The following SSH2 variants were observed in gnomAD, a reference collection of about 807,000 sequenced individuals.
SSH2 encodes the protein protein phosphatase Slingshot homolog 2.
SSH2 carries 37 observed loss-of-function variants against 135.2 expected under a neutral mutation model. The observed-to-expected ratio is 0.27, with a 90% CI of 0.21 to 0.36. The LOEUF (loss-of-function observed/expected upper bound fraction) is 0.36. SSH2 is among the 10% of genes least tolerant of loss of function. The probability of loss-of-function intolerance (pLI) is 1.00; values close to 1 mark genes in which losing one functional copy is unlikely to be tolerated. For synonymous variants in SSH2, 628 were observed against 646.2 expected, an observed-to-expected ratio of 0.97 and a Z score of 0.43; for missense variants, 1,408 against 1,765.3, an observed-to-expected ratio of 0.80 and a Z score of 3.63.
In SSH2 at chr17:29,688,151, C is replaced by T. The variant is rs9910384; in HGVS notation, c.358-3467G>A. On this transcript the variant is annotated intron_variant, in intron 5 of 15. Coordinates refer to ENST00000540801, the MANE Select transcript of SSH2 (RefSeq NM_001282129.2). ...TCAGCCTCCCAAGTAAACGGGATTACGGGCACCTGCCACTGCGCCTGGCTC... is the reference window on the plus strand; with the variant it reads ...TCAGCCTCCCAAGTAAACGGGATTATGGGCACCTGCCACTGCGCCTGGCTC... Among the ~76,000 whole-genome samples, 751 of 151,964 alleles carry T rather than the reference C, an allele frequency of 4.9e-3. 4 individuals are homozygous for T. Among genetic ancestry groups the T allele is most frequent in the African/African-American group, 0.017 (724 of 41,446 alleles).
At chr17:29,861,968 C>T (rs2065773159) in intron 1 of SSH2, among the ~76,000 whole-genome samples, 1 of 152,138 alleles carries the variant, frequency 6.6e-6, no homozygotes, top group Non-Finnish European at 1.5e-5. Context: ...AAATACAACA[C>T]TATAGTTATA....
chr17:29,707,241 G>GT (rs202183864), intron 3 of SSH2, among the ~76,000 whole-genome samples: 5,118 of 151,972 alleles, frequency 0.034, 128 homozygotes, highest in African/African-American at 0.063. Flanking sequence ...TAAAGTATAT[G>GT]TAAGTACATT....
intron 3 of SSH2, chr17:29,776,286 C>T (rs1037726501): frequency 6.6e-6 from 1 of 152,118 alleles, no homozygotes; most frequent in Non-Finnish European, 1.5e-5. Flanking sequence ...TCAAGATCTT[C>T]CTTCAGGACG....
chr17:29,860,027 T>G (rs1206451926), intron 1 of SSH2, among the ~76,000 whole-genome samples: 2 of 152,092 alleles, frequency 1.3e-5, no homozygotes, highest in Non-Finnish European at 2.9e-5. Context: ...TTTGTATTTT[T>G]AGTAGAGATA....
intron 2 of SSH2, among the ~76,000 whole-genome samples, chr17:29,797,407 A>T (rs2042177210): frequency 1.3e-5 from 2 of 152,290 alleles, no homozygotes; most frequent in African/African-American, 4.8e-5. Context: ...GGGATTATAT[A>T]CTATGTACTA....
At chr17:29,664,300 G>A (rs1369119211) in intron 11 of SSH2, among the ~76,000 whole-genome samples, 1 of 151,712 alleles carries the variant, frequency 6.6e-6, no homozygotes, top group Non-Finnish European at 1.5e-5. Context: ...GTGAACCTGG[G>A]AGGTGGAGGT....
intron 7 of SSH2, 113 bp from the exon 8 acceptor site, chr17:29,676,998 C>A: frequency 1.2e-6 from 1 of 814,478 alleles, no homozygotes; most frequent in South Asian, 1.5e-5. Flanking sequence ...TAGAGGGAAT[C>A]ATCAGGCATT....
At chr17:29,646,681 A>G (rs111483742) in intron 14 of SSH2, among the ~76,000 whole-genome samples, 3,456 of 151,706 alleles carry the variant, frequency 0.023, 116 homozygotes, top group African/African-American at 0.08. Flanking sequence ...TATAGTTTTA[A>G]TAGAGATGGG....
At chr17:29,725,173 C>T (rs1420789490) in intron 3 of SSH2, among the ~76,000 whole-genome samples, 1 of 151,240 alleles carries the variant, frequency 6.6e-6, no homozygotes, top group Non-Finnish European at 1.5e-5. Flanking sequence ...TGGTGAAACC[C>T]CGTCTCTACT....
chr17:29,914,394 TA>T (rs1567650822), intron 1 of SSH2, among the ~76,000 whole-genome samples: 1 of 151,496 alleles, frequency 6.6e-6, no homozygotes, highest in Non-Finnish European at 1.5e-5. Context: ...ACCATGTCTC[TA>T]AAAAAATAAT....
chr17:29,900,964 T>C (rs925352609), intron 1 of SSH2, among the ~76,000 whole-genome samples: 4 of 151,956 alleles, frequency 2.6e-5, no homozygotes, highest in African/African-American at 9.7e-5. Context: ...AAATGATGAG[T>C]TCATGTCCTT....
chr17:29,776,636 G>C (rs1374659021), intron 3 of SSH2: 1 of 152,126 alleles, frequency 6.6e-6, no homozygotes, highest in African/African-American at 2.4e-5. Context: ...AATTTGATGG[G>C]GCGAACAGGC....
chr17:29,759,688 A>C (rs1488937549), intron 3 of SSH2, among the ~76,000 whole-genome samples: 1 of 152,138 alleles, frequency 6.6e-6, no homozygotes, highest in Admixed American at 6.6e-5. Context: ...TACTTTTGTG[A>C]CTGGCTTATT....
chr17:29,689,658 C>T (rs2038379724), intron 5 of SSH2, among the ~76,000 whole-genome samples: 1 of 152,122 alleles, frequency 6.6e-6, no homozygotes, highest in African/African-American at 2.4e-5. Context: ...AATCTTAGGA[C>T]TGAAGTAGGT....
intron 14 of SSH2, among the ~76,000 whole-genome samples, chr17:29,644,209 T>C (rs2036281154): frequency 6.6e-6 from 1 of 152,152 alleles, no homozygotes; most frequent in South Asian, 2.1e-4. Flanking sequence ...GGGCCCCTAG[T>C]TTTCTGACTT....
intron 3 of SSH2, among the ~76,000 whole-genome samples, chr17:29,719,254 T>A (rs1276498332): frequency 6.6e-6 from 1 of 152,156 alleles, no homozygotes; most frequent in Non-Finnish European, 1.5e-5. Flanking sequence ...AAACTCAGAA[T>A]CTGTTACAAT....
chr17:29,836,212 G>C (rs962526983), intron 2 of SSH2, among the ~76,000 whole-genome samples: 1 of 152,068 alleles, frequency 6.6e-6, no homozygotes, highest in African/African-American at 2.4e-5. Flanking sequence ...TCACTTAATA[G>C]ATGTGTGATC....
chr17:29,651,860 T>A (rs1333706917), intron 12 of SSH2, among the ~76,000 whole-genome samples: 2 of 151,916 alleles, frequency 1.3e-5, no homozygotes, highest in African/African-American at 4.8e-5. Flanking sequence ...AAAGCGAGCT[T>A]GGCCAGGCGC....
At chr17:29,797,746 ATAGT>A (rs1285316607) in intron 2 of SSH2, among the ~76,000 whole-genome samples, 1 of 152,236 alleles carries the variant, frequency 6.6e-6, no homozygotes, top group Admixed American at 6.5e-5. Context: ...AAAAAATAAA[ATAGT>A]TAGCCAGACA....
Sources: allele counts gnomAD v4.1 joint callset (sites outside exome capture counted in the v4.1 genomes callset), GRCh38; gene constraint gnomAD v4.1.1; transcripts MANE v1.5; gene names NCBI Gene and HGNC (gene_info 2026-07-23, HGNC 2026-07-21).